TBXAS1: variants seen among roughly 807,000 people sequenced by gnomAD.
TBXAS1 encodes the protein thromboxane A synthase 1, also known as thromboxane-A synthase.
TBXAS1 carries 48 observed loss-of-function variants against 60.7 expected under a neutral mutation model. The observed-to-expected ratio is 0.79, with a 90% CI of 0.63 to 1.01. The LOEUF (loss-of-function observed/expected upper bound fraction) is 1.01. Among genes scored for constraint, TBXAS1 ranks in the 50% least tolerant of loss-of-function variants. TBXAS1 has a pLI of 0.00. For missense variants in TBXAS1, 685 were observed against 686.3 expected, an observed-to-expected ratio of 1.00 and a Z score of 0.02; for synonymous variants, 287 against 269.7, an observed-to-expected ratio of 1.06 and a Z score of -0.63.
intron 9 of TBXAS1, 118 bp from the exon 10 acceptor site, chr7:140,006,973 G>C (rs1814123220): frequency 1.0e-6 from 1 of 986,036 alleles, no homozygotes; most frequent in African/African-American, 1.6e-5. Context: ...CATTTTGTGG[G>C]GTTTCTGTTT....
chr7:139,964,864 A>G (rs1236139765), intron 9 of TBXAS1, among the ~76,000 whole-genome samples: 2 of 152,240 alleles, frequency 1.3e-5, no homozygotes, highest in Non-Finnish European at 2.9e-5. Context: ...AGTCTGTCCC[A>G]CCAGCTATAA....
In TBXAS1 at chr7:139,920,929, C is replaced by T. The variant is rs145873444; in HGVS notation, c.333+9608C>T. On this transcript the variant is annotated intron_variant, in intron 4 of 12. Coordinates refer to ENST00000448866, the MANE Select transcript of TBXAS1 (RefSeq NM_001061.7). ...TGAAGGTTCCCAGATCTTTTTAATG[C>T]GACTTTTTGCAGGTCAGGTTGCTTC... Among the ~76,000 whole-genome samples, 259 of 152,256 alleles carry T rather than the reference C, an allele frequency of 1.7e-3. 2 individuals carry two copies. The highest frequency in any genetic ancestry group is 5.7e-3 in the African/African-American group (236 of 41,562).
chr7:139,952,292 T>C (rs911256389), intron 5 of TBXAS1, among the ~76,000 whole-genome samples: 4 of 152,204 alleles, frequency 2.6e-5, no homozygotes, highest in Middle Eastern at 3.2e-3. Context: ...CCATGATTCG[T>C]TCATTCACTT....
At chr7:139,846,877 A>G (rs1383874876) in intron 1 of TBXAS1, among the ~76,000 whole-genome samples, 1 of 151,868 alleles carries the variant, frequency 6.6e-6, no homozygotes, top group Admixed American at 6.6e-5. Context: ...CAGGTTTAGA[A>G]ATGATGGGGT....
chr7:139,807,715 G>T (rs1161972108), intron 4 of TBXAS1, among the ~76,000 whole-genome samples: 1 of 151,956 alleles, frequency 6.6e-6, no homozygotes, highest in African/African-American at 2.4e-5. Flanking sequence ...ACAGGGTCTT[G>T]TTGTGTTGCC....
At chr7:139,834,389 G>T (rs957068339) in intron 1 of TBXAS1, among the ~76,000 whole-genome samples, 1 of 152,004 alleles carries the variant, frequency 6.6e-6, no homozygotes, top group Non-Finnish European at 1.5e-5. Flanking sequence ...ACAATCTAAG[G>T]TCACACCTCA....
intron 1 of TBXAS1, among the ~76,000 whole-genome samples, chr7:139,868,261 T>G (rs1470477940): frequency 2.6e-5 from 4 of 152,192 alleles, no homozygotes; most frequent in African/African-American, 4.8e-5. Context: ...CCTGCACTTT[T>G]TTAAATGGCA....
intron 9 of TBXAS1, among the ~76,000 whole-genome samples, chr7:139,998,869 A>G (rs1813474760): frequency 6.6e-6 from 1 of 152,252 alleles, no homozygotes; most frequent in African/African-American, 2.4e-5. Flanking sequence ...GCCTCAGAGT[A>G]CAAAAACACC....
At chr7:139,994,252 A>G (rs2117619726) in intron 9 of TBXAS1, among the ~76,000 whole-genome samples, 1 of 152,354 alleles carries the variant, frequency 6.6e-6, no homozygotes, top group South Asian at 2.1e-4. Flanking sequence ...CATGTTGGCC[A>G]GGCTGGTCTC....
intron 6 of TBXAS1, among the ~76,000 whole-genome samples, chr7:139,953,927 C>T (rs1346128917): frequency 6.6e-6 from 1 of 152,224 alleles, no homozygotes; most frequent in Non-Finnish European, 1.5e-5. Context: ...CGACCCACAG[C>T]CCGCTGGCCA....
intron 1 of TBXAS1, among the ~76,000 whole-genome samples, chr7:139,855,923 G>A (rs1278792209): frequency 1.3e-5 from 2 of 152,142 alleles, no homozygotes; most frequent in African/African-American, 2.4e-5. Flanking sequence ...AAGTCTGAGC[G>A]CTTTGAAACA....
At chr7:139,890,495 G>A (rs1049875636) in intron 3 of TBXAS1, among the ~76,000 whole-genome samples, 21 of 152,130 alleles carry the variant, frequency 1.4e-4, no homozygotes, top group Admixed American at 1.1e-3. Flanking sequence ...GATTACAGGC[G>A]TGAGCCACCG....
intron 5 of TBXAS1, among the ~76,000 whole-genome samples, chr7:139,948,103 G>A: frequency 6.6e-6 from 1 of 152,182 alleles, no homozygotes; most frequent in East Asian, 1.9e-4. Flanking sequence ...GACATCAAGT[G>A]ATCCACCTGC....
At chr7:139,850,201 C>T (rs980399814) in intron 1 of TBXAS1, among the ~76,000 whole-genome samples, 5 of 152,166 alleles carry the variant, frequency 3.3e-5, no homozygotes, top group African/African-American at 9.7e-5. Flanking sequence ...GTCCACTCAC[C>T]TCCAGTAAGT....
At chr7:139,826,432 T>G (rs1484150065), upstream of TBXAS1, among the ~76,000 whole-genome samples, 1 of 152,098 alleles carries the variant, frequency 6.6e-6, no homozygotes, top group African/African-American at 2.4e-5. Context: ...AGGAATAATT[T>G]TCATAATACG....
chr7:140,008,517 G>A (rs565152028), intron 10 of TBXAS1, among the ~76,000 whole-genome samples: 2 of 142,052 alleles, frequency 1.4e-5, no homozygotes, highest in Non-Finnish European at 3.0e-5. Flanking sequence ...GTGTGATCTT[G>A]GCTCACTGAA....
intron 9 of TBXAS1, among the ~76,000 whole-genome samples, chr7:139,974,929 G>C (rs954896114): frequency 2.6e-5 from 4 of 152,146 alleles, no homozygotes; most frequent in Non-Finnish European, 4.4e-5. Context: ...GATTAGTCAG[G>C]GATCTCCAGA....
rs981913496 is a variant in TBXAS1 at position 139,916,551 on chromosome 7, G to C, written c.333+5230G>C. On this transcript the variant is annotated intron_variant, in intron 4 of 12. Transcript: ENST00000448866. The surrounding 1 kb of genome is among the most constrained non-coding windows in gnomAD (Gnocchi z 4.2). ...CCGAACCATCAATACCCGGCACCCT[G>C]GCTGCCCCAGGTTCAGCCTCTCAGG... Among the ~76,000 whole-genome samples, 5 of 152,184 alleles carry C rather than the reference G, an allele frequency of 3.3e-5. No homozygotes were observed. The highest frequency in any genetic ancestry group is 1.2e-4 in the African/African-American group (5 of 41,448).
intron 12 of TBXAS1, 29 bp downstream of exon 12, chr7:140,017,862 CA>C: frequency 6.2e-7 from 1 of 1,613,922 alleles, no homozygotes; most frequent in South Asian, 1.1e-5. Context: ...GAGGCAGGGG[CA>C]GGGGCAGGGG....
Sources: allele counts gnomAD v4.1 joint callset (sites outside exome capture counted in the v4.1 genomes callset), GRCh38; gene constraint gnomAD v4.1.1; non-coding constraint Gnocchi (gnomAD v3.1); transcripts MANE v1.5; gene names NCBI Gene and HGNC (gene_info 2026-07-23, HGNC 2026-07-21).